Variants in SKAP1 observed in about 807,000 individuals in gnomAD.
The protein encoded by SKAP1 is src kinase associated phosphoprotein 1.
SKAP1 carries 44 observed loss-of-function variants against 58.5 expected under a neutral mutation model. The ratio of observed to expected loss-of-function variants is 0.75; its 90% CI spans 0.59 to 0.97. The LOEUF is 0.97. Ranked by LOEUF, SKAP1 falls within the 50% of genes least tolerant of loss-of-function variation. The pLI, the probability that SKAP1 is intolerant of heterozygous loss-of-function variation, is 0.00. For missense variants in SKAP1, 390 were observed against 435.2 expected, an observed-to-expected ratio of 0.90 and a Z score of 0.92; for synonymous variants, 127 against 149.7, an observed-to-expected ratio of 0.85 and a Z score of 1.11.
chr17:48,280,980 T>C (rs1313565587), intron 4 of SKAP1, among the ~76,000 whole-genome samples: 1 of 152,134 alleles, frequency 6.6e-6, no homozygotes, highest in South Asian at 2.1e-4. Context: ...TACTCAGACT[T>C]AGGCAGTCTA....
At chr17:48,371,890 C>A (rs2067092430) in intron 2 of SKAP1, among the ~76,000 whole-genome samples, 1 of 151,298 alleles carries the variant, frequency 6.6e-6, no homozygotes, top group African/African-American at 2.4e-5. Context: ...ATTCTATTTC[C>A]CAATTATAAA....
chr17:48,278,649 G>C (rs548198532), intron 4 of SKAP1, among the ~76,000 whole-genome samples: 1 of 152,310 alleles, frequency 6.6e-6, no homozygotes, highest in South Asian at 2.1e-4. Flanking sequence ...AGATGGCAGG[G>C]ATGGAGAGTA....
intron 4 of SKAP1, among the ~76,000 whole-genome samples, chr17:48,322,164 C>A (rs2066375852): frequency 6.6e-5 from 10 of 152,196 alleles, no homozygotes; most frequent in Admixed American, 5.2e-4. Context: ...ATGGATTTTA[C>A]ATTACTTTGT....
intron 2 of SKAP1, among the ~76,000 whole-genome samples, chr17:48,370,404 C>T (rs975496341): frequency 2.0e-5 from 3 of 152,086 alleles, no homozygotes; most frequent in Non-Finnish European, 2.9e-5. Flanking sequence ...TTCCTGGGCT[C>T]AAGCAATCCT....
intron 4 of SKAP1, among the ~76,000 whole-genome samples, chr17:48,292,538 T>TTA (rs1238762230): frequency 6.6e-6 from 1 of 152,120 alleles, no homozygotes; most frequent in Non-Finnish European, 1.5e-5. Context: ...CATCACAAAA[T>TTA]TATACTTTAA....
intron 4 of SKAP1, among the ~76,000 whole-genome samples, chr17:48,217,293 A>G (rs1355074589): frequency 6.6e-6 from 1 of 152,180 alleles, no homozygotes; most frequent in Non-Finnish European, 1.5e-5. Flanking sequence ...GGGTAACTTT[A>G]TCTCCCAGAC....
At chr17:48,221,053 G>A (rs1248147226) in intron 4 of SKAP1, among the ~76,000 whole-genome samples, 1 of 151,972 alleles carries the variant, frequency 6.6e-6, no homozygotes, top group African/African-American at 2.4e-5. Flanking sequence ...CGGATAACGA[G>A]GTCAGGACTT....
At position 48,195,167 on chromosome 17, in the gene SKAP1, C is replaced by A. The variant is rs115034422; in HGVS notation, c.281-5667G>T. On this transcript the variant is annotated intron_variant, in intron 4 of 12. Coordinates refer to ENST00000336915, the MANE Select transcript of SKAP1 (RefSeq NM_003726.4). ...AACCTCTCTTTTGTGCATTTGATTT[C>A]TGTGGCCTTCTTTAATATGTTCATT... Among the ~76,000 whole-genome samples the A allele has an allele frequency of 2.9e-3, 440 of 152,276 alleles. 2 individuals are homozygous for A. Among genetic ancestry groups the A allele is most frequent in the African/African-American group, 0.01 (423 of 41,546 alleles).
At chr17:48,198,454 C>CAAAA (rs55958821) in intron 4 of SKAP1, among the ~76,000 whole-genome samples, 14,878 of 49,672 alleles carry the variant, frequency 0.3, 3,493 homozygotes, top group Non-Finnish European at 0.37. Context: ...GACTCCGTCT[C>CAAAA]AAAAAAAAAA....
intron 1 of SKAP1, 38 bp downstream of exon 1, chr17:48,430,037 C>G (rs760893823): frequency 9.5e-6 from 12 of 1,260,324 alleles, no homozygotes; most frequent in Non-Finnish European, 1.2e-5. Context: ...TTTCGGCCTT[C>G]GGCTCAGCAC....
At chr17:48,316,786 C>T (rs771002934) in intron 4 of SKAP1, among the ~76,000 whole-genome samples, 7 of 152,188 alleles carry the variant, frequency 4.6e-5, no homozygotes, top group Admixed American at 2.6e-4. Flanking sequence ...GAGACCACCA[C>T]GCTAAGATGA....
At chr17:48,383,623 G>A (rs2067243629) in intron 2 of SKAP1, among the ~76,000 whole-genome samples, 1 of 151,638 alleles carries the variant, frequency 6.6e-6, no homozygotes, top group Admixed American at 6.6e-5. Context: ...CACAATTAAA[G>A]CCTAATTTTC....
chr17:48,398,047 T>A (rs2067443705), intron 1 of SKAP1, among the ~76,000 whole-genome samples: 1 of 152,060 alleles, frequency 6.6e-6, no homozygotes, highest in South Asian at 2.1e-4. Context: ...TGAAACTGTA[T>A]CATATATATC....
At chr17:48,431,114 G>C (rs950940985), upstream of SKAP1, among the ~76,000 whole-genome samples, 1 of 152,154 alleles carries the variant, frequency 6.6e-6, no homozygotes, top group African/African-American at 2.4e-5. Flanking sequence ...AGTATAAAGT[G>C]CTATGGTTGA....
intron 1 of SKAP1, among the ~76,000 whole-genome samples, chr17:48,410,559 T>C (rs577416542): frequency 5.3e-5 from 8 of 152,142 alleles, no homozygotes; most frequent in East Asian, 3.9e-4. Context: ...AAGGATCTTG[T>C]AGTGTCAGAA....
Position 48,421,793 on chromosome 17 carries a change from C to CTTCT in SKAP1, c.46+8281_46+8282insAGAA, listed in dbSNP as rs1279299371. 7.2e-5 allele frequency among the ~76,000 whole-genome samples: 11 copies of CTTCT among 152,266 alleles called. No individual in the cohort carries two copies. In the East Asian group the frequency reaches 2.1e-3, roughly 29 times the overall value. On this transcript the variant is annotated intron_variant, in intron 1 of 12. Transcript: ENST00000336915. ...TGGGAATCTATAAGAATATAGAAAA[C>CTTCT]TCAGAGAACTGCAGGCTAGGTGACA...
At chr17:48,270,599 C>T (rs2065616856) in intron 4 of SKAP1, among the ~76,000 whole-genome samples, 1 of 152,054 alleles carries the variant, frequency 6.6e-6, no homozygotes, top group Non-Finnish European at 1.5e-5. Flanking sequence ...CCTCGACCTC[C>T]CAAAGTGCTG....
At chr17:48,158,662 T>C (rs1220674450) in intron 11 of SKAP1, among the ~76,000 whole-genome samples, 2 of 150,270 alleles carry the variant, frequency 1.3e-5, no homozygotes, top group African/African-American at 4.9e-5. Flanking sequence ...CTTGGGTGAC[T>C]ATTAAGAAAC....
chr17:48,364,325 C>A (rs1390494346), intron 2 of SKAP1, among the ~76,000 whole-genome samples: 2 of 152,120 alleles, frequency 1.3e-5, no homozygotes, highest in African/African-American at 4.8e-5. Context: ...ACAATCATAG[C>A]TCACTGCAGC....
Sources: gnomAD v4.1 joint callset for allele counts (sites outside exome capture counted in the v4.1 genomes callset) on GRCh38, gnomAD v4.1.1 for gene constraint, MANE v1.5 for transcripts, NCBI Gene and HGNC (gene_info 2026-07-23, HGNC 2026-07-21) for gene names.